Variants in PLPP4 observed in about 807,000 individuals in gnomAD.
The protein encoded by PLPP4 is phospholipid phosphatase 4, also known as diacylglycerol pyrophosphate like 2.
In PLPP4, 20 loss-of-function variants were observed where a neutral mutation model predicts 32.2. The ratio of observed to expected loss-of-function variants is 0.62; its 90% confidence interval spans 0.44 to 0.90. PLPP4 has a LOEUF of 0.90. PLPP4 is among the 40% of genes least tolerant of loss of function. The pLI is 0.00. For missense variants in PLPP4, 257 were observed against 353.1 expected (o/e 0.73, Z 2.18); for synonymous variants, 127 against 133.0 (o/e 0.95, Z 0.31).
At chr10:120,475,579 G>A (rs1042652454) in intron 1 of PLPP4, among the ~76,000 whole-genome samples, 4 of 152,214 alleles carry the variant, frequency 2.6e-5, no homozygotes, top group Non-Finnish European at 5.9e-5. Context: ...ATACTTCTGT[G>A]GGATGCATGA....
At chr10:120,573,244 C>G (rs773581718) in intron 5 of PLPP4, among the ~76,000 whole-genome samples, 1 of 152,304 alleles carries the variant, frequency 6.6e-6, no homozygotes, top group South Asian at 2.1e-4. Context: ...GATTTACTTT[C>G]TTTTGCTGCA....
In PLPP4 at chr10:120,585,859, C is replaced by T. The variant is rs552394825; in HGVS notation, c.617-3444C>T. The stretch of plus-strand genomic sequence containing the variant: ...CATTCTTGGGAATGCCTCTTGCTTT[C>T]CCTGCTGTCCTCCAATCCCCCCGCT... On this transcript the variant is annotated intron_variant, in intron 6 of 6. Transcript: ENST00000398250. Among the ~76,000 whole-genome samples the T allele has an allele frequency of 9.2e-5, 14 of 152,268 alleles. No homozygotes were observed. In the East Asian group the frequency reaches 2.1e-3, roughly 23 times the overall value.
intron 6 of PLPP4, chr10:120,580,945 G>A (rs1409448701): frequency 1.6e-6 from 2 of 1,289,138 alleles, no homozygotes; most frequent in Admixed American, 4.6e-5. Flanking sequence ...ACCATCGGCT[G>A]CCAACCCCCG....
rs1280031592 is a variant in PLPP4, at chr10:120,581,067, G to A, written c.616+5766G>A. On this transcript the variant is annotated intron_variant, in intron 6 of 6. Transcript: ENST00000398250. ...AGCCCCTGGCTCACCCCTCCCTCCG[G>A]TCAAAGTCCACTGCATATCCTGCTT... The A allele has an allele frequency of 2.3e-6, 3 of 1,280,346 alleles. No homozygotes were observed. The African/African-American group carries it at 4.6e-5, about 20-fold the overall frequency. The allele number at this position is 1,280,346 out of a possible 1,614,324, so 79.3% of individuals were successfully genotyped here. A position where few individuals can be genotyped will look rare whatever the true frequency, so the allele number is the denominator to read the frequency against.
At chr10:120,464,264 A>G (rs918584765) in intron 1 of PLPP4, among the ~76,000 whole-genome samples, 28 of 152,218 alleles carry the variant, frequency 1.8e-4, no homozygotes, top group Non-Finnish European at 2.6e-4. Flanking sequence ...AGTTTGAACC[A>G]TATTAAGCAT....
At chr10:120,551,217 A>G (rs1847886125) in intron 5 of PLPP4, among the ~76,000 whole-genome samples, 1 of 152,170 alleles carries the variant, frequency 6.6e-6, no homozygotes. Context: ...AAATTCAAAA[A>G]GATCAGCAAT....
At chr10:120,507,400 C>T (rs1845544276) in intron 2 of PLPP4, among the ~76,000 whole-genome samples, 1 of 147,564 alleles carries the variant, frequency 6.8e-6, no homozygotes. Context: ...TCATCATCAT[C>T]ATCAACAACA....
chr10:120,583,306 A>G (rs1439815028), intron 6 of PLPP4, among the ~76,000 whole-genome samples: 1 of 151,866 alleles, frequency 6.6e-6, no homozygotes, highest in Admixed American at 6.6e-5. Flanking sequence ...CTTTGACCTC[A>G]TGGCAAGAGG....
chr10:120,470,902 G>A (rs1287468031), intron 1 of PLPP4, among the ~76,000 whole-genome samples: 1 of 152,146 alleles, frequency 6.6e-6, no homozygotes, highest in African/African-American at 2.4e-5. Flanking sequence ...GTTGCTTCAT[G>A]TCTCTGTGCT....
rs117940584 is a variant in PLPP4 at position 120,537,337 on chromosome 10, A to C, written c.445+16242A>C. Among the ~76,000 whole-genome samples, 322 of 152,332 alleles carry C rather than the reference A, an allele frequency of 2.1e-3. 2 individuals carry two copies. Among genetic ancestry groups the C allele is most frequent in the South Asian group, 4.4e-3 (21 of 4,824 alleles). On this transcript the variant is annotated intron_variant, in intron 5 of 6. Transcript: ENST00000398250. ...AAAATGTGATAGATATAGATAAACAATTGAATATTATTCAGCTTCAAAAAA... is the reference window on the plus strand; with the variant it reads ...AAAATGTGATAGATATAGATAAACACTTGAATATTATTCAGCTTCAAAAAA...
chr10:120,499,726 C>G (rs2463153), intron 1 of PLPP4, among the ~76,000 whole-genome samples: 96,734 of 151,940 alleles, frequency 0.64, 31,245 homozygotes, highest in African/African-American at 0.74. Context: ...GCAGTCACAA[C>G]ACTCCCAAGT....
chr10:120,533,389 A>G (rs1426679480), intron 5 of PLPP4, among the ~76,000 whole-genome samples: 2 of 152,110 alleles, frequency 1.3e-5, no homozygotes, highest in African/African-American at 4.8e-5. Flanking sequence ...TTGAAGTTTA[A>G]GTGTGGTTTT....
chr10:120,575,295 T>C lies in PLPP4; in HGVS notation c.610T>C (p.Trp204Arg). 1 of 1,613,648 alleles carries C rather than the reference T, an allele frequency of 6.2e-7. No homozygotes were observed. The highest frequency in any genetic ancestry group is 8.5e-7 in the Non-Finnish European group (1 of 1,179,694). Reference sequence around the variant, plus strand: ...CCGCATGTGCGACTACAAGCATCACTGGCAAGGTGAGTCCCTGCCCAGGGC... The same window carrying C: ...CCGCATGTGCGACTACAAGCATCACCGGCAAGGTGAGTCCCTGCCCAGGGC... ...LSRMCDYKHH[W>R]QDSFVGGVIG... The change falls in exon 6 of 7, where the codon TGG (tryptophan) becomes CGG (arginine). Residue 204 changes from tryptophan (W) to arginine (R), a missense_variant. Transcript: ENST00000398250.
chr10:120,538,638 T>C (rs539538346), intron 5 of PLPP4, among the ~76,000 whole-genome samples: 2 of 152,328 alleles, frequency 1.3e-5, no homozygotes, highest in East Asian at 3.9e-4. Flanking sequence ...TTCCAGGATC[T>C]GGCTCCTGCT....
chr10:120,503,111 C>G (rs753036571), intron 1 of PLPP4, among the ~76,000 whole-genome samples: 23 of 152,328 alleles, frequency 1.5e-4, no homozygotes, highest in African/African-American at 5.1e-4. Context: ...TGGCCAGGGC[C>G]GCCATTTTGA....
chr10:120,510,084 T>A (rs868343964), intron 2 of PLPP4, among the ~76,000 whole-genome samples: 3 of 152,172 alleles, frequency 2.0e-5, no homozygotes, highest in Admixed American at 2.0e-4. Context: ...CCATGTAGGA[T>A]TGCTGTGAGA....
intron 1 of PLPP4, among the ~76,000 whole-genome samples, chr10:120,483,884 C>A (rs1376698456): frequency 6.6e-6 from 1 of 152,174 alleles, no homozygotes; most frequent in African/African-American, 2.4e-5. Flanking sequence ...ATGCAGATGC[C>A]CAATCTTAAA....
At chr10:120,474,599 A>C (rs1477445666) in intron 1 of PLPP4, among the ~76,000 whole-genome samples, 1 of 152,206 alleles carries the variant, frequency 6.6e-6, no homozygotes, top group Non-Finnish European at 1.5e-5. Context: ...GAACATATTA[A>C]ATTAGACTTT....
At chr10:120,462,723 A>G (rs1215942803) in intron 1 of PLPP4, among the ~76,000 whole-genome samples, 2 of 152,184 alleles carry the variant, frequency 1.3e-5, no homozygotes, top group Non-Finnish European at 2.9e-5. Context: ...GGCTAACTGA[A>G]TTAAAATAGA....
Sources: gnomAD v4.1 joint callset for allele counts (sites outside exome capture counted in the v4.1 genomes callset) on GRCh38, gnomAD v4.1.1 for gene constraint, MANE v1.5 for transcripts, NCBI Gene and HGNC (gene_info 2026-07-23, HGNC 2026-07-21) for gene names.